Variants in TRPM8 observed in about 807,000 individuals in gnomAD.
TRPM8 encodes TRPM8 cationic channel.
TRPM8 carries 110 observed loss-of-function variants against 133.7 expected under a neutral mutation model. The ratio of observed to expected loss-of-function variants is 0.82; its 90% CI spans 0.70 to 0.96. TRPM8 has a LOEUF of 0.96. Ranked by LOEUF, TRPM8 falls within the 40% of genes least tolerant of loss-of-function variation. The pLI, the probability that TRPM8 is intolerant of heterozygous loss-of-function variation, is 0.00. For synonymous variants in TRPM8, 535 were observed against 532.3 expected (o/e 1.01, Z -0.07); for missense variants, 1,291 against 1,379.5 (o/e 0.94, Z 1.02).
At chr2:233,951,908 C>T (rs1163868163) in intron 9 of TRPM8, among the ~76,000 whole-genome samples, 25 of 152,132 alleles carry the variant, frequency 1.6e-4, no homozygotes, top group Admixed American at 1.4e-3. Context: ...TGGGTGACCT[C>T]GCTGACTATG....
intron 5 of TRPM8, among the ~76,000 whole-genome samples, chr2:233,942,367 T>C (rs1690930556): frequency 6.6e-6 from 1 of 152,174 alleles, no homozygotes; most frequent in African/African-American, 2.4e-5. Flanking sequence ...CAAGAGCCAC[T>C]GCGCCTGGCC....
Position 233,996,341 on chromosome 2 carries a change from C to T in TRPM8, c.2955C>T (p.Thr985=), listed in dbSNP as rs201236165. 106 of 1,613,924 alleles carry T rather than the reference C, an allele frequency of 6.6e-5. 2 individuals are homozygous for T. The highest frequency in any genetic ancestry group is 2.2e-4 in the East Asian group (10 of 44,896). Residue 985 remains threonine, a synonymous_variant, in exon 22 of 26, where the codon ACC becomes ACT. Transcript: ENST00000324695. ...LVAMFGYTVG[T]VQENNDQVWK... is the part of the protein sequence containing the mutation. ...CCCTCACCAGCTACACGGTGGGCAC[C>T]GTCCAGGAGAACAATGACCAGGTCT...
rs1230958656 is a variant in TRPM8 at position 233,996,516 on chromosome 2, T to C, written c.3130T>C (p.Cys1044Arg). 6.2e-7 allele frequency: 1 copy of C among 1,613,962 alleles called. No homozygotes were observed. The highest frequency in any genetic ancestry group is 1.7e-5 in the Admixed American group (1 of 60,008). ...KEKNMESSVC[C>R]FKNEDNETLA... ...GAAAAACATGGAGTCTTCTGTCTGC[T>C]GTGAGTGGTTTATCCATGTGTACTT... The change falls in exon 22 of 26, where the codon TGT becomes CGT. Residue 1044 changes from cysteine (C) to arginine (R), a missense_variant and splice_region_variant. Cys to Arg is a radical substitution (Grantham distance 180). This residue lies in a region of TRPM8 where 328 missense variants were observed against 410.6 expected (regional missense o/e 0.80). Coordinates refer to ENST00000324695, the MANE Select transcript of TRPM8 (RefSeq NM_024080.5).
chr2:233,937,568 C>A, intron 4 of TRPM8, 59 bp downstream of exon 4: 2 of 1,548,228 alleles, frequency 1.3e-6, no homozygotes, highest in Non-Finnish European at 1.7e-6. Flanking sequence ...CCTGGGCTAC[C>A]TTGATTTACT....
At chr2:233,938,003 C>A (rs1336402971) in intron 4 of TRPM8, among the ~76,000 whole-genome samples, 1 of 152,222 alleles carries the variant, frequency 6.6e-6, no homozygotes, top group Non-Finnish European at 1.5e-5. Context: ...GCTGTTCCTG[C>A]AGGGCCTGGG....
intron 21 of TRPM8, among the ~76,000 whole-genome samples, chr2:233,993,455 G>A (rs1399121600): frequency 6.6e-6 from 1 of 152,168 alleles, no homozygotes; most frequent in Admixed American, 6.5e-5. Flanking sequence ...TTCTCTGTAA[G>A]GGCCAGCTAG....
At chr2:233,948,991 G>A (rs17863847) in intron 8 of TRPM8, among the ~76,000 whole-genome samples, 18,207 of 152,174 alleles carry the variant, frequency 0.12, 1,219 homozygotes, top group East Asian at 0.21. Context: ...CCGAGATTGC[G>A]CCATTGCACT....
rs1432762061 is a variant in TRPM8 at position 233,987,124 on chromosome 2, G to T, written c.2939+1259G>T. ...TCTATCCTAAAGGTGTATGTACAAA[G>T]ATGTTTATTAGATCACTATTTGATG... On this transcript the variant is annotated intron_variant, in intron 21 of 25. Transcript: ENST00000324695. 2.0e-5 allele frequency among the ~76,000 whole-genome samples: 3 copies of T among 152,244 alleles called. No individual in the cohort carries two copies. The South Asian group carries it at 6.2e-4, about 32-fold the overall frequency.
At chr2:233,996,193 A>G in intron 21 of TRPM8, 133 bp from the exon 22 acceptor site, 1 of 705,214 alleles carries the variant, frequency 1.4e-6, no homozygotes, top group South Asian at 2.7e-5. Context: ...CTCGTGTATC[A>G]CTCTGGATTC....
chr2:233,990,652 T>C (rs937236074), intron 21 of TRPM8, among the ~76,000 whole-genome samples: 22 of 152,142 alleles, frequency 1.4e-4, no homozygotes, highest in African/African-American at 5.3e-4. Flanking sequence ...TGTACAAATG[T>C]GGGGATTTTT....
intron 17 of TRPM8, 154 bp downstream of exon 17, chr2:233,970,580 T>C (rs567643369): frequency 1.5e-6 from 1 of 684,564 alleles, no homozygotes; most frequent in Non-Finnish European, 2.5e-6. Context: ...AGTGTGAAGG[T>C]GCATTTTCAT....
intron 17 of TRPM8, among the ~76,000 whole-genome samples, chr2:233,979,533 C>T (rs937687755): frequency 4.0e-5 from 6 of 151,252 alleles, no homozygotes; most frequent in Non-Finnish European, 5.9e-5. Flanking sequence ...TTTCCCTCTT[C>T]GGGAAAATGC....
intron 14 of TRPM8, among the ~76,000 whole-genome samples, chr2:233,965,054 G>T (rs570825072): frequency 2.8e-3 from 37 of 13,334 alleles, no homozygotes; most frequent in South Asian, 0.019. Context: ...TTTTTTTTGT[G>T]GGGGGGGGGG....
chr2:233,969,787 C>A lies in TRPM8; in HGVS notation c.2118C>A (p.Gly706=). Residue 706 remains glycine (G), a synonymous_variant, in exon 16 of 26, where the codon GGC becomes GGA. Coordinates refer to ENST00000324695, the MANE Select transcript of TRPM8 (RefSeq NM_024080.5). The part of the protein sequence containing the change: ...ILCLFIIPLV[G]CGFVSFRKKP... ...GTCTGTTTATTATACCCTTGGTGGGCTGTGGCTTTGTATCATTTAGGTACA... is the reference window on the plus strand; with the variant it reads ...GTCTGTTTATTATACCCTTGGTGGGATGTGGCTTTGTATCATTTAGGTACA... The A allele has an allele frequency of 6.2e-7, 1 of 1,612,820 alleles. No homozygotes were observed. The highest frequency in any genetic ancestry group is 8.5e-7 in the Non-Finnish European group (1 of 1,178,856).
intron 22 of TRPM8, among the ~76,000 whole-genome samples, chr2:233,999,237 T>G (rs527713953): frequency 6.6e-6 from 1 of 152,060 alleles, no homozygotes; most frequent in Non-Finnish European, 1.5e-5. Context: ...GACCCCAGGC[T>G]GGCTGGTCTG....
chr2:233,999,320 C>G lies in TRPM8; in HGVS notation c.3130+2804C>G, dbSNP rs1024882607. On this transcript the variant is annotated intron_variant, in intron 22 of 25. Coordinates refer to ENST00000324695, the MANE Select transcript of TRPM8 (RefSeq NM_024080.5). ...GGAGTCTCAGTGTCACCACACATAG[C>G]AGCTGGGTTCCTGCAAAAAGCAGGT... Among the ~76,000 whole-genome samples, 49 of 151,124 alleles carry G rather than the reference C, an allele frequency of 3.2e-4. 1 individual carries two copies. Among genetic ancestry groups the G allele is most frequent in the African/African-American group, 1.1e-3 (44 of 40,382 alleles).
intron 21 of TRPM8, among the ~76,000 whole-genome samples, chr2:233,992,566 A>G (rs17864761): frequency 6.6e-6 from 1 of 152,090 alleles, no homozygotes; most frequent in Non-Finnish European, 1.5e-5. Context: ...GTCCCTCTGC[A>G]TGGCCTCTCC....
chr2:234,012,147 T>C lies in TRPM8; in HGVS notation c.3265-2415T>C, dbSNP rs566225970. On this transcript the variant is annotated intron_variant, in intron 24 of 25. Coordinates refer to ENST00000324695, the MANE Select transcript of TRPM8 (RefSeq NM_024080.5). ...AAATATACTGAATTTATTTATGAGTTCTAACAGTTTTTTTTTTTTTTTGAG... is the reference window on the plus strand; with the variant it reads ...AAATATACTGAATTTATTTATGAGTCCTAACAGTTTTTTTTTTTTTTTGAG... Among the ~76,000 whole-genome samples, 237 of 123,416 alleles carry C rather than the reference T, an allele frequency of 1.9e-3. 1 individual carries two copies. Among genetic ancestry groups the C allele is most frequent in the African/African-American group, 7.3e-3 (221 of 30,172 alleles). 81.0% of individuals were successfully genotyped at this position (123,416 alleles called of 152,430 possible).
intron 19 of TRPM8, among the ~76,000 whole-genome samples, chr2:233,982,548 A>G (rs1277735002): frequency 6.6e-6 from 1 of 152,176 alleles, no homozygotes; most frequent in Non-Finnish European, 1.5e-5. Context: ...TTTTAATTCA[A>G]AGCATTTCTG....
Sources: allele counts gnomAD v4.1 joint callset (sites outside exome capture counted in the v4.1 genomes callset), GRCh38; gene constraint gnomAD v4.1.1; regional missense constraint gnomAD v4.1.1; transcripts MANE v1.5; gene names NCBI Gene and HGNC (gene_info 2026-07-23, HGNC 2026-07-21).